The following SLC8A1 variants were observed in gnomAD, a reference collection of about 807,000 sequenced individuals.
SLC8A1 encodes the protein sodium/calcium exchanger 1.
SLC8A1 carries 18 observed loss-of-function variants against 68.3 expected under a neutral mutation model. That is an observed-to-expected ratio of 0.26 (90% CI 0.18 to 0.39). The LOEUF (loss-of-function observed/expected upper bound fraction) is 0.39. Among genes scored for constraint, SLC8A1 ranks in the 10% least tolerant of loss-of-function variants. The pLI, the probability that SLC8A1 is intolerant of heterozygous loss-of-function variation, is 1.00. For synonymous variants in SLC8A1, 475 were observed against 415.5 expected (o/e 1.14, Z -1.74); for missense variants, 985 against 1,156.7 (o/e 0.85, Z 2.15).
intron 2 of SLC8A1, among the ~76,000 whole-genome samples, chr2:40,335,354 A>G (rs1665620158): frequency 6.6e-6 from 1 of 152,244 alleles, no homozygotes; most frequent in Non-Finnish European, 1.5e-5. Flanking sequence ...AACATCTACC[A>G]TATATTGATG....
chr2:40,420,827 A>C (rs533118404), intron 2 of SLC8A1, among the ~76,000 whole-genome samples: 1 of 152,106 alleles, frequency 6.6e-6, no homozygotes, highest in Non-Finnish European at 1.5e-5. Context: ...TCAAAGGAAG[A>C]AACAGCCCTG....
At chr2:40,322,086 T>C (rs971486790) in intron 2 of SLC8A1, among the ~76,000 whole-genome samples, 3 of 152,046 alleles carry the variant, frequency 2.0e-5, no homozygotes, top group Admixed American at 2.0e-4. Context: ...AGTAAGTCAG[T>C]TTCTTTGACC....
intron 2 of SLC8A1, among the ~76,000 whole-genome samples, chr2:40,246,526 A>G (rs2061887085): frequency 6.6e-6 from 1 of 152,220 alleles, no homozygotes; most frequent in African/African-American, 2.4e-5. Flanking sequence ...TTAGCCAAAC[A>G]CTGTGGGGTA....
At chr2:40,417,467 T>C (rs1335846683) in intron 2 of SLC8A1, among the ~76,000 whole-genome samples, 1 of 152,164 alleles carries the variant, frequency 6.6e-6, no homozygotes, top group Admixed American at 6.6e-5. Context: ...GTGTTAGGAT[T>C]AGTTTTGCTG....
intron 2 of SLC8A1, among the ~76,000 whole-genome samples, chr2:40,187,547 C>T (rs1201876372): frequency 2.0e-5 from 3 of 152,170 alleles, no homozygotes; most frequent in African/African-American, 4.8e-5. Context: ...TAACCTTGCC[C>T]TATTTTACTT....
exon 8 of SLC8A1, chr2:40,104,299 A>AC (rs2034068868): frequency 6.6e-6 from 1 of 152,204 alleles, no homozygotes; most frequent in African/African-American, 2.4e-5. Context: ...TAGCATCAAC[A>AC]CCTAGTAAAA....
intron 2 of SLC8A1, among the ~76,000 whole-genome samples, chr2:40,348,270 G>C (rs1575593059): frequency 6.6e-6 from 1 of 152,106 alleles, no homozygotes; most frequent in African/African-American, 2.4e-5. Flanking sequence ...AGACATAACC[G>C]CCTCCTCTCA....
At chr2:40,377,732 C>T (rs1233287924) in intron 2 of SLC8A1, among the ~76,000 whole-genome samples, 1 of 152,062 alleles carries the variant, frequency 6.6e-6, no homozygotes, top group African/African-American at 2.4e-5. Flanking sequence ...GGAAGCACTG[C>T]AGATATTGTT....
intron 2 of SLC8A1, among the ~76,000 whole-genome samples, chr2:40,413,669 T>C (rs1293037620): frequency 1.3e-5 from 2 of 152,196 alleles, no homozygotes; most frequent in African/African-American, 2.4e-5. Flanking sequence ...GAGACCTTAC[T>C]ACATATAATA....
intron 2 of SLC8A1, among the ~76,000 whole-genome samples, chr2:40,310,737 T>A (rs1255729302): frequency 1.3e-5 from 2 of 152,118 alleles, no homozygotes; most frequent in African/African-American, 4.8e-5. Context: ...TTCATCTCCC[T>A]CCACTCAGTA....
Position 40,339,881 on chromosome 2 carries a change from G to A in SLC8A1, c.1808+88592C>T, listed in dbSNP as rs866473825. ...AGAAAACAAATATTCAAAATGCAAT[G>A]TATCCTATTGCATACCTATTGTGTA... is the stretch of plus-strand genomic sequence containing the variant. On this transcript the variant is annotated intron_variant, in intron 2 of 7. Transcript: ENST00000406785. 2.0e-5 allele frequency among the ~76,000 whole-genome samples: 3 copies of A among 152,332 alleles called. No individual in the cohort carries two copies. In the Middle Eastern group the frequency reaches 0.01, roughly 518 times the overall value.
chr2:40,484,904 G>T (rs943632744), intron 1 of SLC8A1, among the ~76,000 whole-genome samples: 1 of 152,186 alleles, frequency 6.6e-6, no homozygotes, highest in African/African-American at 2.4e-5. Flanking sequence ...AAGCCAGAGA[G>T]ATATGCATTG....
chr2:40,502,788 A>T (rs1045448057), intron 1 of SLC8A1, among the ~76,000 whole-genome samples: 2 of 152,020 alleles, frequency 1.3e-5, no homozygotes. Flanking sequence ...GATGTCACAG[A>T]TCTGGTCACA....
intron 1 of SLC8A1, among the ~76,000 whole-genome samples, chr2:40,445,677 A>G (rs1383254891): frequency 6.6e-6 from 1 of 152,226 alleles, no homozygotes; most frequent in South Asian, 2.1e-4. Flanking sequence ...GAAGCTCTTA[A>G]AAAGAACTTC....
intron 2 of SLC8A1, among the ~76,000 whole-genome samples, chr2:40,181,137 T>C (rs886503772): frequency 1.3e-5 from 2 of 152,090 alleles, no homozygotes; most frequent in African/African-American, 4.8e-5. Flanking sequence ...TTTTTGCATT[T>C]TTAGTAGAGA....
chr2:40,261,736 C>T (rs1574874963), intron 2 of SLC8A1, among the ~76,000 whole-genome samples: 1 of 1,216 alleles, frequency 8.2e-4, no homozygotes, highest in African/African-American at 2.9e-3. Context: ...GTGGGTACTG[C>T]GTAAGTGCCA....
intron 2 of SLC8A1, among the ~76,000 whole-genome samples, chr2:40,210,289 A>G (rs1286559126): frequency 1.3e-5 from 2 of 152,140 alleles, no homozygotes; most frequent in Non-Finnish European, 2.9e-5. Flanking sequence ...CTGAAACAAG[A>G]GCTTTATTAA....
rs572230277 is a variant in SLC8A1, at chr2:40,267,833, C to A, written c.1809-89978G>T. Among the ~76,000 whole-genome samples the A allele has an allele frequency of 3.3e-5, 5 of 152,228 alleles. No individual in the cohort carries two copies. In the South Asian group the frequency reaches 1.0e-3, roughly 32 times the overall value. On this transcript the variant is annotated intron_variant, in intron 2 of 7. Coordinates refer to ENST00000406785, the Ensembl canonical transcript of SLC8A1. Reference sequence around the variant, plus strand: ...AGGTGTGCATCGAGCACACAAGGAACTGTTTTGCAGAGAGTCCCTTCTCTG... The same window carrying A: ...AGGTGTGCATCGAGCACACAAGGAAATGTTTTGCAGAGAGTCCCTTCTCTG...
intron 2 of SLC8A1, among the ~76,000 whole-genome samples, chr2:40,366,653 AAC>A (rs1422341599): frequency 6.6e-6 from 1 of 152,136 alleles, no homozygotes; most frequent in East Asian, 1.9e-4. Context: ...TTTGGAGGAA[AAC>A]ACAGATCAAA....
Sources: gnomAD v4.1 joint callset for allele counts (sites outside exome capture counted in the v4.1 genomes callset) on GRCh38, gnomAD v4.1.1 for gene constraint, MANE v1.5 for transcripts, NCBI Gene and HGNC (gene_info 2026-07-23, HGNC 2026-07-21) for gene names.